Variants in CHN1 observed in about 807,000 individuals in gnomAD.
CHN1 encodes the protein N-chimaerin.
Under a neutral mutation model 59.5 loss-of-function variants are expected in CHN1, and 37 were observed. The ratio of observed to expected loss-of-function variants is 0.62; its 90% confidence interval spans 0.48 to 0.82. CHN1 has a LOEUF of 0.82. Among genes scored for constraint, CHN1 ranks in the 40% least tolerant of loss-of-function variants. The pLI is 0.00. For synonymous variants in CHN1, 206 were observed against 200.4 expected, an observed-to-expected ratio of 1.03 and a Z score of -0.24; for missense variants, 469 against 571.0, an observed-to-expected ratio of 0.82 and a Z score of 1.82.
Position 174,965,293 on chromosome 2 carries a change from CTTTT to C in CHN1, c.20-13095_20-13092del, listed in dbSNP as rs1184447196. On this transcript the variant is annotated intron_variant, in intron 1 of 12. Transcript: ENST00000409900. Reference sequence around the variant, plus strand: ...CTCTGAAAACAAAAATTATTTCTTTCTTTTTATTATATATTCTTTTTGTATCATT... The same window carrying C: ...CTCTGAAAACAAAAATTATTTCTTTCTATTATATATTCTTTTTGTATCATT... Among the ~76,000 whole-genome samples the C allele has an allele frequency of 5.3e-5, 8 of 152,014 alleles. No individual in the cohort carries two copies. The East Asian group carries it at 1.3e-3, about 26-fold the overall frequency.
chr2:175,005,263 TGGCGGC>T lies in CHN1; in HGVS notation c.-357_-352del, dbSNP rs749234310. 68 of 1,032,234 alleles carry T rather than the reference TGGCGGC, an allele frequency of 6.6e-5. No homozygotes were observed. In the African/African-American group the frequency reaches 1.1e-3, roughly 16 times the overall value. 63.9% of individuals were successfully genotyped at this position (1,032,234 alleles called of 1,614,324 possible). ...GGCTGGCGGAGAGGCGGCGCCGCAC[TGGCGGC>T]GGCGGCGGCGGCGACGGGGAGAGCA... On this transcript the variant is annotated 5_prime_UTR_variant, in exon 1 of 13. Coordinates refer to ENST00000409900, the MANE Select transcript of CHN1 (RefSeq NM_001822.7).
intron 11 of CHN1, among the ~76,000 whole-genome samples, chr2:174,802,393 A>T (rs557692575): frequency 1.3e-5 from 2 of 152,302 alleles, no homozygotes; most frequent in African/African-American, 4.8e-5. Flanking sequence ...TGTTTTATAT[A>T]AAAAAATCAA....
chr2:174,813,791 G>GA (rs1368228556), intron 8 of CHN1, among the ~76,000 whole-genome samples: 2 of 152,180 alleles, frequency 1.3e-5, no homozygotes, highest in Non-Finnish European at 2.9e-5. Flanking sequence ...AAGCCAATTT[G>GA]AAAATCATAC....
Position 174,938,013 on chromosome 2 carries a change from C to T in CHN1, c.114+6875G>A, listed in dbSNP as rs575652773. 3.9e-5 allele frequency among the ~76,000 whole-genome samples: 6 copies of T among 152,066 alleles called. No homozygotes were observed. The South Asian group carries it at 1.2e-3, about 32-fold the overall frequency. On this transcript the variant is annotated intron_variant, in intron 3 of 12. Coordinates refer to ENST00000409900, the MANE Select transcript of CHN1 (RefSeq NM_001822.7). The stretch of plus-strand genomic sequence containing the variant: ...GCACAAAATGAACTAACACAGTAGC[C>T]CAAATCTAATTCCTCAGTTAAAAAA...
intron 1 of CHN1, among the ~76,000 whole-genome samples, chr2:174,970,393 C>T (rs1690722573): frequency 2.6e-5 from 4 of 152,090 alleles, no homozygotes; most frequent in South Asian, 4.1e-4. Context: ...AGTAAGCTTG[C>T]GACTCCAACA....
intron 1 of CHN1, among the ~76,000 whole-genome samples, chr2:174,954,303 T>A (rs1690118867): frequency 6.6e-6 from 1 of 152,016 alleles, no homozygotes; most frequent in African/African-American, 2.4e-5. Context: ...TCAAGATGGA[T>A]CAAAGACTTA....
chr2:174,812,478 A>G lies in CHN1; in HGVS notation c.717T>C (p.Cys239=), dbSNP rs1384749403. 30 of 1,613,706 alleles carry G rather than the reference A, an allele frequency of 1.9e-5. No homozygotes were observed. Among genetic ancestry groups the G allele is most frequent in the Non-Finnish European group, 2.4e-5 (28 of 1,179,646 alleles). The change falls in exon 9 of 13, where the codon TGT becomes TGC. Residue 239 remains cysteine, a synonymous_variant. Coordinates refer to ENST00000409900, the MANE Select transcript of CHN1 (RefSeq NM_001822.7). ...AACACTGCTTATGAACATTCAAACC[A>G]CAATCTAAGAAAAGAATAAAGAAAG... ...LIAQGVKCAD[C]GLNVHKQCSK...
Position 174,867,434 on chromosome 2 carries a change from G to A in CHN1, c.549+10406C>T, listed in dbSNP as rs1192663234. 2.0e-5 allele frequency among the ~76,000 whole-genome samples: 3 copies of A among 151,652 alleles called. No individual in the cohort carries two copies. In the East Asian group the frequency reaches 5.8e-4, roughly 29 times the overall value. On this transcript the variant is annotated intron_variant, in intron 6 of 12. Coordinates refer to ENST00000409900, the MANE Select transcript of CHN1 (RefSeq NM_001822.7). ...TTATTGTTAAACATAGACAGTATAG[G>A]GAAAAAGAGTACTGGTTACCAATCA...
At chr2:174,974,544 A>G (rs1438416820) in intron 1 of CHN1, among the ~76,000 whole-genome samples, 1 of 152,122 alleles carries the variant, frequency 6.6e-6, no homozygotes, top group Non-Finnish European at 1.5e-5. Context: ...TTCCCATAAT[A>G]TAACAAAAAA....
chr2:174,958,948 G>T (rs1166395861), intron 1 of CHN1, among the ~76,000 whole-genome samples: 3 of 152,072 alleles, frequency 2.0e-5, no homozygotes, highest in Non-Finnish European at 4.4e-5. Flanking sequence ...TGTTATAAAA[G>T]ACATTATTCA....
chr2:174,966,884 A>G (rs960638868), intron 1 of CHN1, among the ~76,000 whole-genome samples: 1 of 152,174 alleles, frequency 6.6e-6, no homozygotes. Flanking sequence ...CCTCTCAATG[A>G]TATCTCAGCA....
At chr2:174,820,306 T>A (rs1685440322) in intron 8 of CHN1, among the ~76,000 whole-genome samples, 1 of 152,200 alleles carries the variant, frequency 6.6e-6, no homozygotes, top group African/African-American at 2.4e-5. Context: ...GTGTTCCTAT[T>A]TCTCCACATC....
At chr2:174,818,730 G>A (rs956785895) in intron 8 of CHN1, among the ~76,000 whole-genome samples, 1 of 151,960 alleles carries the variant, frequency 6.6e-6, no homozygotes, top group Non-Finnish European at 1.5e-5. Context: ...AAAAATTCAA[G>A]TCACATTTTA....
chr2:174,814,386 A>G (rs1207664277), intron 8 of CHN1, among the ~76,000 whole-genome samples: 5 of 152,354 alleles, frequency 3.3e-5, no homozygotes, highest in African/African-American at 1.2e-4. Context: ...TTATCTCTGT[A>G]TTAGAGAATA....
intron 3 of CHN1, among the ~76,000 whole-genome samples, chr2:174,920,009 C>A (rs1296803431): frequency 6.6e-6 from 1 of 152,152 alleles, no homozygotes; most frequent in Non-Finnish European, 1.5e-5. Flanking sequence ...ACGAATTCAA[C>A]ATGTTTAGAT....
rs1019299922 is a variant in CHN1 at position 174,850,737 on chromosome 2, C to T, written c.550-3780G>A. ...TTTTGTCTCTACCCAATTACCCATA[C>T]TCTGGATCTAATCCTAATTTTTAAA... On this transcript the variant is annotated intron_variant, in intron 6 of 12. Coordinates refer to ENST00000409900, the MANE Select transcript of CHN1 (RefSeq NM_001822.7). 5.3e-5 allele frequency among the ~76,000 whole-genome samples: 8 copies of T among 152,216 alleles called. No homozygotes were observed. In the South Asian group the frequency reaches 1.7e-3, roughly 32 times the overall value.
At chr2:174,919,294 G>A (rs569552432) in intron 3 of CHN1, among the ~76,000 whole-genome samples, 11 of 152,282 alleles carry the variant, frequency 7.2e-5, no homozygotes, top group Non-Finnish European at 1.5e-4. Context: ...ATAGGAGTGG[G>A]TAACAAAAGG....
chr2:174,972,216 G>C (rs1462037017), intron 1 of CHN1, among the ~76,000 whole-genome samples: 2 of 152,082 alleles, frequency 1.3e-5, no homozygotes, highest in African/African-American at 4.8e-5. Context: ...TGTTTAGGAT[G>C]TTCTCTGGTT....
chr2:174,952,283 T>G, intron 1 of CHN1, 81 bp from the exon 2 acceptor site: 1 of 869,884 alleles, frequency 1.1e-6, no homozygotes, highest in South Asian at 2.1e-5. Context: ...TCATTTAATA[T>G]ATATCTGTTG....
Sources: allele counts gnomAD v4.1 joint callset (sites outside exome capture counted in the v4.1 genomes callset), GRCh38; gene constraint gnomAD v4.1.1; transcripts MANE v1.5; gene names NCBI Gene and HGNC (gene_info 2026-07-23, HGNC 2026-07-21).